The following SHANK2 variants were observed in gnomAD, a reference collection of about 807,000 sequenced individuals.
SHANK2 encodes the protein SH3 and multiple ankyrin repeat domains protein 2.
SHANK2 carries 43 observed loss-of-function variants against 133.7 expected under a neutral mutation model. The ratio of observed to expected loss-of-function variants is 0.32; its 90% confidence interval spans 0.25 to 0.41. SHANK2 has a LOEUF of 0.41. Among genes scored for constraint, SHANK2 ranks in the 10% least tolerant of loss-of-function variants. The probability of loss-of-function intolerance (pLI) is 1.00; values close to 1 mark genes in which losing one functional copy is unlikely to be tolerated. For missense variants in SHANK2, 1,994 were observed against 2,235.8 expected (o/e 0.89, Z 2.18); for synonymous variants, 1,017 against 952.8 (o/e 1.07, Z -1.24).
intron 2 of SHANK2, among the ~76,000 whole-genome samples, chr11:71,166,142 A>G (rs1953143580): frequency 6.6e-6 from 1 of 152,142 alleles, no homozygotes; most frequent in Non-Finnish European, 1.5e-5. Flanking sequence ...GGTTCCACAG[A>G]TCAAAACTAC....
chr11:70,848,963 AC>A (rs1177202576), intron 11 of SHANK2, among the ~76,000 whole-genome samples: 2 of 152,058 alleles, frequency 1.3e-5, no homozygotes, highest in Non-Finnish European at 2.9e-5. Flanking sequence ...GTGAAGGGGG[AC>A]CTTGCTCTGA....
intron 15 of SHANK2, among the ~76,000 whole-genome samples, chr11:70,681,588 G>A (rs572770553): frequency 1.4e-4 from 21 of 152,250 alleles, no homozygotes; most frequent in African/African-American, 5.1e-4. Context: ...GCTCTCAGCC[G>A]GATCCCTGCT....
At chr11:70,925,254 ATAT>A (rs1295723790) in intron 10 of SHANK2, among the ~76,000 whole-genome samples, 1 of 152,218 alleles carries the variant, frequency 6.6e-6, no homozygotes, top group African/African-American at 2.4e-5. Flanking sequence ...TATGGAATAA[ATAT>A]TTCAACGATA....
At chr11:70,652,347 C>T (rs533549973) in intron 17 of SHANK2, among the ~76,000 whole-genome samples, 3 of 152,280 alleles carry the variant, frequency 2.0e-5, no homozygotes, top group Non-Finnish European at 2.9e-5. Context: ...GTACTTGGCA[C>T]ATGGTGGGTG....
intron 6 of SHANK2, among the ~76,000 whole-genome samples, chr11:71,100,126 G>T (rs113927982): frequency 0.018 from 2,750 of 152,044 alleles, 87 homozygotes; most frequent in African/African-American, 0.063. Flanking sequence ...CAAATGCTGG[G>T]GAGGATGTGG....
At chr11:70,755,477 G>C (rs935742812) in intron 14 of SHANK2, among the ~76,000 whole-genome samples, 1 of 152,216 alleles carries the variant, frequency 6.6e-6, no homozygotes, top group Non-Finnish European at 1.5e-5. Flanking sequence ...CCCTGTGAGC[G>C]TCCAACCTCT....
At chr11:70,509,776 T>C (rs1554969012) in intron 17 of SHANK2, among the ~76,000 whole-genome samples, 1 of 152,184 alleles carries the variant, frequency 6.6e-6, no homozygotes, top group Non-Finnish European at 1.5e-5. Context: ...AGTGCCCTTA[T>C]AAAAGGGACC....
intron 14 of SHANK2, among the ~76,000 whole-genome samples, chr11:70,792,203 C>CCAAA (rs1218144500): frequency 2.0e-5 from 3 of 152,050 alleles, no homozygotes; most frequent in Admixed American, 6.5e-5. Flanking sequence ...AATCAACCAA[C>CCAAA]CAACCAACCA....
intron 11 of SHANK2, chr11:70,863,775 C>T (rs1162067096): frequency 6.6e-6 from 3 of 456,252 alleles, no homozygotes; most frequent in African/African-American, 6.0e-5. Flanking sequence ...TCAGGTAGGT[C>T]CTCATCCAAC....
At position 70,486,896 on chromosome 11, in the gene SHANK2, CA is replaced by C; in HGVS notation, c.3396del (p.Phe1132LeufsTer42). On this transcript the variant is annotated frameshift_variant, in exon 25 of 26. Coordinates refer to ENST00000601538, the MANE Select transcript of SHANK2 (RefSeq NM_012309.5). LOFTEE classifies it high-confidence loss of function. The surrounding 1 kb of genome is among the most constrained non-coding windows in gnomAD (Gnocchi z 8.0). Reference sequence around the variant, plus strand: ...AGCTGCTCAGCGCTGTCCTCGTCAGCAAAATCCCCCTCCTCGGGGAACATGG... The same window carrying C: ...AGCTGCTCAGCGCTGTCCTCGTCAGCAAATCCCCCTCCTCGGGGAACATGG... The part of the protein sequence containing the change: ...RPSMFPEEGD[F>X]ADEDSAEQLS... The C allele has an allele frequency of 6.2e-7, 1 of 1,612,686 alleles. No homozygotes were observed.
At chr11:71,109,904 G>A (rs372823551) in intron 6 of SHANK2, 37 bp downstream of exon 6, 120 of 1,335,538 alleles carry the variant, frequency 9.0e-5, no homozygotes, top group Non-Finnish European at 1.1e-4. Context: ...CTACGCTTCC[G>A]TAAAGCCTGG....
At chr11:70,594,369 A>G (rs1402935293) in intron 17 of SHANK2, among the ~76,000 whole-genome samples, 5 of 152,144 alleles carry the variant, frequency 3.3e-5, no homozygotes, top group Non-Finnish European at 1.5e-5. Context: ...ATCCAAGAAT[A>G]TTCAAAAGTC....
intron 17 of SHANK2, among the ~76,000 whole-genome samples, chr11:70,565,525 C>G (rs536197850): frequency 5.9e-5 from 9 of 152,296 alleles, no homozygotes; most frequent in African/African-American, 2.2e-4. Flanking sequence ...GGATTACAGG[C>G]GTGAGCCACC....
chr11:70,743,963 C>T (rs1291372190), intron 14 of SHANK2, among the ~76,000 whole-genome samples: 1 of 152,216 alleles, frequency 6.6e-6, no homozygotes, highest in Non-Finnish European at 1.5e-5. Flanking sequence ...CTTCTGCCTG[C>T]AGAGACTCAG....
chr11:71,221,328 C>T (rs1430641240), intron 2 of SHANK2, among the ~76,000 whole-genome samples: 1 of 152,104 alleles, frequency 6.6e-6, no homozygotes, highest in Non-Finnish European at 1.5e-5. Context: ...ACCCTCACAC[C>T]ACAGTCTGCC....
intron 11 of SHANK2, among the ~76,000 whole-genome samples, chr11:70,860,526 G>A (rs1373550601): frequency 2.6e-5 from 4 of 152,226 alleles, no homozygotes; most frequent in African/African-American, 9.6e-5. Context: ...TGTGTGCAGT[G>A]GGAGACTGCG....
intron 24 of SHANK2, 78 bp downstream of exon 24, chr11:70,489,250 A>G: frequency 7.2e-7 from 1 of 1,383,462 alleles, no homozygotes; most frequent in South Asian, 1.2e-5. Context: ...CCCAAGGAGT[A>G]CTAATTTAAG....
intron 17 of SHANK2, chr11:70,635,055 G>A (rs1244529854): frequency 1.3e-5 from 2 of 152,208 alleles, no homozygotes; most frequent in African/African-American, 4.8e-5. Flanking sequence ...AGAAAGTAAT[G>A]ACGCTGGTGA....
intron 14 of SHANK2, among the ~76,000 whole-genome samples, chr11:70,720,006 G>T (rs782164347): frequency 6.6e-6 from 1 of 152,090 alleles, no homozygotes; most frequent in Non-Finnish European, 1.5e-5. Flanking sequence ...GTGACCCCAG[G>T]CAGGTTCCTC....
Sources: allele counts gnomAD v4.1 joint callset (sites outside exome capture counted in the v4.1 genomes callset), GRCh38; gene constraint gnomAD v4.1.1; non-coding constraint Gnocchi (gnomAD v3.1); transcripts MANE v1.5; gene names NCBI Gene and HGNC (gene_info 2026-07-23, HGNC 2026-07-21).